The following FTCD variants were observed in gnomAD, a reference collection of about 807,000 sequenced individuals.
FTCD encodes the protein formimidoyltransferase cyclodeaminase, also known as formimidoyltransferase-cyclodeaminase.
FTCD carries 76 observed loss-of-function variants against 62.9 expected under a neutral mutation model. The ratio of observed to expected loss-of-function variants is 1.21; its 90% CI spans 1.00 to 1.46. FTCD has a LOEUF of 1.46. FTCD is among the 40% of genes most tolerant of loss of function. The pLI, the probability that FTCD is intolerant of heterozygous loss-of-function variation, is 0.00. For synonymous variants in FTCD, 397 were observed against 336.9 expected (o/e 1.18, Z -1.95); for missense variants, 845 against 751.3 (o/e 1.12, Z -1.46).
At chr21:46,148,829 G>T (rs2079205863) in intron 7 of FTCD, among the ~76,000 whole-genome samples, 5 of 152,186 alleles carry the variant, frequency 3.3e-5, no homozygotes, top group Admixed American at 3.3e-4. Flanking sequence ...TCACGGATTG[G>T]AGGAGAAATC....
chr21:46,151,701 T>C lies in FTCD; in HGVS notation c.493A>G (p.Ser165Gly). 6.2e-7 allele frequency: 1 copy of C among 1,612,982 alleles called. No individual in the cohort carries two copies. Among genetic ancestry groups the C allele is most frequent in the African/African-American group, 1.3e-5 (1 of 75,062 alleles). The change falls in exon 5 of 14, where the codon AGC (serine) becomes GGC (glycine). Residue 165 changes from serine to glycine, a missense_variant. Transcript: ENST00000397746. ...QADWAPDFGP[S>G]SFVPSWGATA... ...GCCCCCCAACTGGGGACAAAGGAGC[T>C]GGGACCAAAGTCGGGCGCCCAGTCG...
downstream of FTCD, chr21:46,136,772 A>T (rs559092941): frequency 5.6e-5 from 85 of 1,510,452 alleles, no homozygotes; most frequent in South Asian, 1.0e-3. Context: ...CCAACACACA[A>T]CACAGGTTTG....
intron 5 of FTCD, among the ~76,000 whole-genome samples, chr21:46,150,746 C>A (rs925599574): frequency 6.6e-6 from 1 of 151,240 alleles, no homozygotes; most frequent in African/African-American, 2.5e-5. Flanking sequence ...ACACCGGAGG[C>A]CCACCCCGGC....
intron 10 of FTCD, among the ~76,000 whole-genome samples, chr21:46,141,133 TTTA>T (rs1228594097): frequency 1.3e-5 from 2 of 152,224 alleles, no homozygotes; most frequent in African/African-American, 4.8e-5. Context: ...GTTCCTATGT[TTTA>T]TATACATATG....
Position 46,149,405 on chromosome 21 carries a change from C to G in FTCD, c.906+714G>C, listed in dbSNP as rs1045179040. On this transcript the variant is annotated intron_variant, in intron 7 of 13. Coordinates refer to ENST00000397746, the MANE Select transcript of FTCD (RefSeq NM_206965.2). ...CTAATAGAAGAAAATATGCCCGAGA[C>G]TAAACAAGGACGGAATCCACAAGTC... Among the ~76,000 whole-genome samples the G allele has an allele frequency of 5.9e-4, 90 of 152,170 alleles. 1 individual carries two copies.
intron 10 of FTCD, chr21:46,142,487 C>A (rs934770517): frequency 7.0e-6 from 1 of 143,808 alleles, no homozygotes; most frequent in Non-Finnish European, 1.5e-5. Flanking sequence ...ACCTTCGCAG[C>A]GAGTGTTACA....
intron 2 of FTCD, 116 bp downstream of exon 2, chr21:46,154,033 G>T: frequency 9.4e-7 from 1 of 1,063,046 alleles, no homozygotes; most frequent in Non-Finnish European, 1.5e-6. Flanking sequence ...CAGCCCCACT[G>T]GACCCCACGT....
intron 8 of FTCD, 77 bp from the exon 9 acceptor site, chr21:46,146,024 C>G: frequency 1.1e-6 from 1 of 921,268 alleles, no homozygotes; most frequent in Non-Finnish European, 1.6e-6. Flanking sequence ...CGGCCCCAGG[C>G]CCCACGCCCG....
chr21:46,138,501 C>T lies in FTCD; in HGVS notation c.1443+7G>A. 6.3e-7 allele frequency: 1 copy of T among 1,581,066 alleles called. No homozygotes were observed. The highest frequency in any genetic ancestry group is 8.5e-7 in the Non-Finnish European group (1 of 1,170,702). On this transcript the variant is annotated splice_region_variant and intron_variant, in intron 12 of 13. Coordinates refer to ENST00000397746, the MANE Select transcript of FTCD (RefSeq NM_206965.2). ...CAGGAGGCCTGGGGTCCCCCGGGCC[C>T]CCCTACCTGGAGGTCTGACCGGCAG... is the stretch of plus-strand genomic sequence containing the variant.
chr21:46,151,785 C>T, intron 4 of FTCD, 48 bp from the exon 5 acceptor site: 2 of 1,605,248 alleles, frequency 1.2e-6, no homozygotes, highest in Non-Finnish European at 1.7e-6. Context: ...CGGGAGGGAA[C>T]AGCCCCCCGG....
Position 46,145,889 on chromosome 21 carries a change from A to C in FTCD, c.1027T>G (p.Phe343Val). ...GAGCGGGCACCCACCTCCCCCACGA[A>C]GGCGCGCAGGGACTTGCTGCCCAGG... is the stretch of plus-strand genomic sequence containing the variant. ...RGLGSKSLRA[F>V]VGEVGARSAA... Residue 343 changes from phenylalanine (F) to valine (V), a missense_variant, in exon 9 of 14, where the codon TTC becomes GTC. Phe to Val is a conservative substitution (Grantham distance 50). Transcript: ENST00000397746. 1.4e-6 allele frequency: 2 copies of C among 1,456,012 alleles called. No individual in the cohort carries two copies. The highest frequency in any genetic ancestry group is 9.0e-7 in the Non-Finnish European group (1 of 1,110,732). The allele number at this position is 1,456,012 out of a possible 1,614,324, so 90.2% of individuals were successfully genotyped here. A position where few individuals can be genotyped will look rare whatever the true frequency, so the allele number is the denominator to read the frequency against.
At chr21:46,141,678 G>C (rs950145093) in intron 10 of FTCD, among the ~76,000 whole-genome samples, 1 of 151,654 alleles carries the variant, frequency 6.6e-6, no homozygotes, top group Non-Finnish European at 1.5e-5. Context: ...ACAACAAACG[G>C]GGAAAGCTGA....
At chr21:46,148,490 T>C in intron 7 of FTCD, among the ~76,000 whole-genome samples, 1 of 152,132 alleles carries the variant, frequency 6.6e-6, no homozygotes, top group East Asian at 1.9e-4. Flanking sequence ...ATAGTGGTCC[T>C]TGCCTGTAAT....
At chr21:46,139,234 C>G (rs2078941349) in intron 10 of FTCD, among the ~76,000 whole-genome samples, 1 of 152,166 alleles carries the variant, frequency 6.6e-6, no homozygotes, top group African/African-American at 2.4e-5. Context: ...GCCCTCAGAA[C>G]CTGTAGGCAG....
In FTCD at chr21:46,138,514, G is replaced by T. The variant is rs571676774; in HGVS notation, c.1437C>A (p.Asp479Glu). Reference protein sequence around the residue: ...ARCGNLACRSDLQVAAKALEM... With the variant: ...ARCGNLACRSELQVAAKALEM... The stretch of plus-strand genomic sequence containing the variant: ...GTCCCCCGGGCCCCCCTACCTGGAG[G>T]TCTGACCGGCAGGCCAGGTTCCCAC... The change falls in exon 12 of 14, where the codon GAC (aspartate) becomes GAA (glutamate). Residue 479 changes from aspartate to glutamate, a missense_variant. By Grantham distance (45) the Asp-to-Glu change is conservative. Coordinates refer to ENST00000397746, the MANE Select transcript of FTCD (RefSeq NM_206965.2). 6.3e-7 allele frequency: 1 copy of T among 1,585,672 alleles called. No individual in the cohort carries two copies. The highest frequency in any genetic ancestry group is 8.5e-7 in the Non-Finnish European group (1 of 1,172,930).
intron 8 of FTCD, 35 bp from the exon 9 acceptor site, chr21:46,145,982 G>C (rs928986586): frequency 2.2e-5 from 28 of 1,296,550 alleles, no homozygotes; most frequent in African/African-American, 3.1e-5. Flanking sequence ...GGTCTGGCCG[G>C]GGTTGGTGGG....
At chr21:46,153,081 G>T in intron 2 of FTCD, 46 bp from the exon 3 acceptor site, 1 of 1,529,326 alleles carries the variant, frequency 6.5e-7, no homozygotes, top group South Asian at 1.2e-5. Flanking sequence ...GTGTGGGAGC[G>T]GGTGGGAGCT....
chr21:46,149,552 C>T (rs2079218807), intron 7 of FTCD, among the ~76,000 whole-genome samples: 1 of 152,044 alleles, frequency 6.6e-6, no homozygotes, highest in African/African-American at 2.4e-5. Flanking sequence ...AAAGGACAGA[C>T]CAAGGCGGAC....
chr21:46,140,563 C>T (rs1473857600), intron 10 of FTCD, among the ~76,000 whole-genome samples: 3 of 138,830 alleles, frequency 2.2e-5, no homozygotes, highest in South Asian at 4.6e-4. Flanking sequence ...CCAGCACTCC[C>T]CGTCCACCTT....
Sources: gnomAD v4.1 joint callset for allele counts (sites outside exome capture counted in the v4.1 genomes callset) on GRCh38, gnomAD v4.1.1 for gene constraint, MANE v1.5 for transcripts, NCBI Gene and HGNC (gene_info 2026-07-23, HGNC 2026-07-21) for gene names.